The following FBXW10 variants were observed in gnomAD, a reference collection of about 807,000 sequenced individuals.
FBXW10 encodes the protein F-box and WD repeat domain containing 10, also known as F-box/WD repeat-containing protein 10.
In FBXW10, 68 loss-of-function variants were observed where a neutral mutation model predicts 113.1. That is an observed-to-expected ratio of 0.60 (90% CI 0.49 to 0.74). The LOEUF (loss-of-function observed/expected upper bound fraction) is 0.74. FBXW10 is among the 30% of genes least tolerant of loss of function. The pLI, the probability that FBXW10 is intolerant of heterozygous loss-of-function variation, is 0.00. For missense variants in FBXW10, 753 were observed against 1,284.5 expected (o/e 0.59, Z 6.32); for synonymous variants, 289 against 481.6 (o/e 0.60, Z 5.24).
Position 18,756,030 on chromosome 17 carries a change from A to G in FBXW10, c.1123-15A>G, listed in dbSNP as rs1243998635. 2 of 1,612,206 alleles carry G rather than the reference A, an allele frequency of 1.2e-6. No homozygotes were observed. The highest frequency in any genetic ancestry group is 1.7e-6 in the Non-Finnish European group (2 of 1,178,924). Reference sequence around the variant, plus strand: ...AGTTACCACTGAGCTTTAACTTCAAATATTCCCTTGTTAGAATGAGTACAA... The same window carrying G: ...AGTTACCACTGAGCTTTAACTTCAAGTATTCCCTTGTTAGAATGAGTACAA... On this transcript the variant is annotated splice_polypyrimidine_tract_variant and intron_variant, in intron 5 of 13. Transcript: ENST00000395665.
rs776133597 is a variant in FBXW10 at position 18,770,067 on chromosome 17, T to C, written c.1988T>C (p.Phe663Ser). Residue 663 changes from phenylalanine (F) to serine (S), a missense_variant, in exon 11 of 14, where the codon TTC becomes TCC. Transcript: ENST00000395665. The stretch of plus-strand genomic sequence containing the variant: ...GGCAGAGGTGATCCTGTGCTGTCCT[T>C]CTTTATTCAGGGCAACAGGTGGGTG... ...ANGRGDPVLS[F>S]FIQGNRMVVN... 1.2e-6 allele frequency: 2 copies of C among 1,614,140 alleles called. No individual in the cohort carries two copies. Among genetic ancestry groups the C allele is most frequent in the Admixed American group, 3.3e-5 (2 of 60,014 alleles).
At chr17:18,771,947 A>C (rs1182846471) in intron 11 of FBXW10, among the ~76,000 whole-genome samples, 1 of 151,978 alleles carries the variant, frequency 6.6e-6, no homozygotes, top group Non-Finnish European at 1.5e-5. Flanking sequence ...GTCGCTACTA[A>C]AAACACAAAA....
At chr17:18,749,961 C>T in intron 3 of FBXW10, 39 bp downstream of exon 3, 1 of 1,613,892 alleles carries the variant, frequency 6.2e-7, no homozygotes, top group Non-Finnish European at 8.5e-7. Flanking sequence ...CAGACACCTC[C>T]CCTCTTGGCC....
At chr17:18,768,473 C>T (rs1597601828) in intron 9 of FBXW10, 61 bp from the exon 10 acceptor site, 2 of 1,595,654 alleles carry the variant, frequency 1.3e-6, no homozygotes, top group Middle Eastern at 3.4e-4. Context: ...GAAGAAGCCT[C>T]AGCTTTGGTT....
intron 2 of FBXW10, 101 bp from the exon 3 acceptor site, chr17:18,749,621 G>A: frequency 6.6e-7 from 1 of 1,514,746 alleles, no homozygotes; most frequent in South Asian, 1.2e-5. Flanking sequence ...AGAGTCTGAG[G>A]AGGTTTATTT....
chr17:18,776,460 T>C (rs2035701290), intron 13 of FBXW10, among the ~76,000 whole-genome samples: 1 of 152,248 alleles, frequency 6.6e-6, no homozygotes, highest in African/African-American at 2.4e-5. Context: ...GAACAAACTC[T>C]GTGCAGAGAC....
chr17:18,747,896 A>T, intron 1 of FBXW10, 45 bp from the exon 2 acceptor site: 1 of 1,613,674 alleles, frequency 6.2e-7, no homozygotes, highest in Non-Finnish European at 8.5e-7. Context: ...TTTCCTCAAC[A>T]CACCCGCTTC....
At position 18,744,269 on chromosome 17, in the gene FBXW10, A is replaced by G. The variant is rs767063943; in HGVS notation, c.25A>G (p.Lys9Glu). 1.9e-6 allele frequency: 3 copies of G among 1,600,610 alleles called. No individual in the cohort carries two copies. The highest frequency in any genetic ancestry group is 2.2e-5 in the South Asian group (2 of 89,544). ...CATGGAAAACCTGGAATCAAGGCTC[A>G]AGAATGCCCCCTATTTTCGTTGTGA... Reference protein sequence around the residue: MENLESRLKNAPYFRCEKG... With the variant: MENLESRLENAPYFRCEKG... The change falls in exon 1 of 14, where the codon AAG becomes GAG. Residue 9 changes from lysine to glutamate, a missense_variant. By Grantham distance (56) the Lys-to-Glu change is moderately conservative. Coordinates refer to ENST00000395665, the MANE Select transcript of FBXW10 (RefSeq NM_001267585.2).
chr17:18,760,834 T>G (rs1181836642), intron 7 of FBXW10, among the ~76,000 whole-genome samples: 3 of 129,508 alleles, frequency 2.3e-5, no homozygotes, highest in East Asian at 4.3e-4. Flanking sequence ...TTTATCAGGG[T>G]TTTTTTTTTC....
rs554209229 is a variant in FBXW10, at chr17:18,748,368, G to T, written c.670+263G>T. Among the ~76,000 whole-genome samples the T allele has an allele frequency of 5.9e-5, 8 of 136,088 alleles. No individual in the cohort carries two copies. The East Asian group carries it at 1.5e-3, about 26-fold the overall frequency. 89.3% of individuals were successfully genotyped at this position (136,088 alleles called of 152,430 possible). A position where few individuals can be genotyped will look rare whatever the true frequency, so the allele number is the denominator to read the frequency against. On this transcript the variant is annotated intron_variant, in intron 2 of 13. Coordinates refer to ENST00000395665, the MANE Select transcript of FBXW10 (RefSeq NM_001267585.2). The stretch of plus-strand genomic sequence containing the variant: ...AGAGCTTGCAGTGAGCCGAGATCAT[G>T]CCACTGCACTCCAGCCTGGGCAACA...
intron 6 of FBXW10, 84 bp downstream of exon 6, chr17:18,756,238 A>G (rs548430067): frequency 7.5e-6 from 10 of 1,327,174 alleles, no homozygotes; most frequent in South Asian, 2.6e-5. Context: ...ACCTTTGTGT[A>G]CATGGAAAGG....
chr17:18,752,216 T>C (rs2035184665), intron 5 of FBXW10, among the ~76,000 whole-genome samples: 2 of 152,094 alleles, frequency 1.3e-5, no homozygotes, highest in Non-Finnish European at 2.9e-5. Flanking sequence ...TGTCATGGAC[T>C]GGACAGTTCA....
chr17:18,752,489 C>T (rs879458503), intron 5 of FBXW10, among the ~76,000 whole-genome samples: 9 of 152,022 alleles, frequency 5.9e-5, no homozygotes, highest in Non-Finnish European at 8.8e-5. Context: ...CCGAGGCGGG[C>T]GGATCACTAG....
At chr17:18,763,558 G>A (rs2035427573) in intron 7 of FBXW10, among the ~76,000 whole-genome samples, 1 of 151,940 alleles carries the variant, frequency 6.6e-6, no homozygotes, top group Admixed American at 6.6e-5. Flanking sequence ...GATGGCCCTG[G>A]GAATGGACTT....
chr17:18,745,755 G>A (rs1179189404), intron 1 of FBXW10, among the ~76,000 whole-genome samples: 1 of 152,190 alleles, frequency 6.6e-6, no homozygotes, highest in East Asian at 1.9e-4. Flanking sequence ...TAGTGCTGAT[G>A]TTGCTGGTCT....
intron 1 of FBXW10, among the ~76,000 whole-genome samples, chr17:18,747,479 C>T (rs981656329): frequency 6.6e-6 from 1 of 152,032 alleles, no homozygotes; most frequent in African/African-American, 2.4e-5. Flanking sequence ...TCACTTGAAC[C>T]CAGGAGGCGG....
intron 13 of FBXW10, among the ~76,000 whole-genome samples, chr17:18,775,693 A>C (rs75366322): frequency 0.046 from 7,012 of 152,256 alleles, 203 homozygotes; most frequent in South Asian, 0.1. Flanking sequence ...ATGTGAGATA[A>C]AGAGATAAGG....
intron 7 of FBXW10, among the ~76,000 whole-genome samples, chr17:18,761,423 G>A (rs1169014870): frequency 1.3e-5 from 2 of 151,956 alleles, no homozygotes; most frequent in South Asian, 2.1e-4. Flanking sequence ...CCGCCACCAC[G>A]CCTGGCTAAT....
At chr17:18,751,944 G>A (rs976531515) in intron 5 of FBXW10, among the ~76,000 whole-genome samples, 22 of 152,288 alleles carry the variant, frequency 1.4e-4, no homozygotes, top group African/African-American at 5.3e-4. Context: ...TGACTATCAA[G>A]GCATGGTTGA....
Sources: gnomAD v4.1 joint callset for allele counts (sites outside exome capture counted in the v4.1 genomes callset) on GRCh38, gnomAD v4.1.1 for gene constraint, MANE v1.5 for transcripts, NCBI Gene and HGNC (gene_info 2026-07-23, HGNC 2026-07-21) for gene names.